Variants in EPS8 observed in about 807,000 individuals in gnomAD.
EPS8 encodes the protein EGFR pathway substrate 8, signaling adaptor, also known as epidermal growth factor receptor kinase substrate 8.
In EPS8, 42 loss-of-function variants were observed where a neutral mutation model predicts 103.8. That is an observed-to-expected ratio of 0.40 (90% CI 0.32 to 0.52). EPS8 has a LOEUF of 0.52. EPS8 is among the 20% of genes least tolerant of loss of function. The pLI is 0.40. For synonymous variants in EPS8, 344 were observed against 344.6 expected (o/e 1.00, Z 0.02); for missense variants, 969 against 1,005.1 (o/e 0.96, Z 0.49).
rs1214436608 is a variant in EPS8, at chr12:15,690,946, G to T, written c.-21-7974C>A. On this transcript the variant is annotated intron_variant, in intron 1 of 20. Coordinates refer to ENST00000281172, the MANE Select transcript of EPS8 (RefSeq NM_004447.6). The surrounding 1 kb of genome is among the most constrained non-coding windows in gnomAD (Gnocchi z 4.7). ...AGAAGAGTCAAGACCAAACAAAAAA[G>T]TCAGTTCCACTAACTGTCTACACTT... 1.3e-5 allele frequency among the ~76,000 whole-genome samples: 2 copies of T among 151,272 alleles called. No homozygotes were observed. Among genetic ancestry groups the T allele is most frequent in the Admixed American group, 6.6e-5 (1 of 15,122 alleles).
At chr12:15,652,713 A>G (rs563884474) in intron 13 of EPS8, among the ~76,000 whole-genome samples, 7 of 152,326 alleles carry the variant, frequency 4.6e-5, no homozygotes, top group African/African-American at 1.7e-4. Context: ...AATATTTTCA[A>G]TTTAAAAGCA....
intron 1 of EPS8, among the ~76,000 whole-genome samples, chr12:15,711,025 A>G (rs1312294274): frequency 6.7e-6 from 1 of 150,002 alleles, no homozygotes; most frequent in South Asian, 2.1e-4. Context: ...ATGCACCACC[A>G]TGCCAGGCTT....
At position 15,779,915 on chromosome 12, in the gene EPS8, G is replaced by A. The variant is rs1947243030; in HGVS notation, c.-22+9246C>T. On this transcript the variant is annotated intron_variant, in intron 1 of 20. Transcript: ENST00000281172. This position sits in a 1 kb window ranked among gnomAD's most constrained non-coding sequence, Gnocchi z 4.3. ...TTTTAGACAGGCTTAAACAGGACTA[G>A]ATCTGGCTTCATAGATTATTACATT... 6.6e-6 allele frequency among the ~76,000 whole-genome samples: 1 copy of A among 152,190 alleles called. No homozygotes were observed. The highest frequency in any genetic ancestry group is 2.1e-4 in the South Asian group (1 of 4,830).
chr12:15,649,605 A>G (rs1945377855), intron 14 of EPS8, among the ~76,000 whole-genome samples: 1 of 152,154 alleles, frequency 6.6e-6, no homozygotes, highest in Non-Finnish European at 1.5e-5. Flanking sequence ...CTCTTCCCTT[A>G]TAATACAGCC....
intron 1 of EPS8, 64 bp from the exon 2 acceptor site, chr12:15,683,036 G>T: frequency 1.3e-6 from 1 of 794,656 alleles, no homozygotes; most frequent in Non-Finnish European, 2.0e-6. Flanking sequence ...AGTTTCAAAA[G>T]TTATTCATTC....
Position 15,747,340 on chromosome 12 carries a change from C to T in EPS8, c.-22+41821G>A, listed in dbSNP as rs1946885394. 6.6e-6 allele frequency among the ~76,000 whole-genome samples: 1 copy of T among 152,062 alleles called. No homozygotes were observed. The highest frequency in any genetic ancestry group is 1.5e-5 in the Non-Finnish European group (1 of 68,024). Reference sequence around the variant, plus strand: ...AAGCTGAAGTGGATACTATATATAGCTAATATGGTTATCAGAAAGTGCTTA... The same window carrying T: ...AAGCTGAAGTGGATACTATATATAGTTAATATGGTTATCAGAAAGTGCTTA... On this transcript the variant is annotated intron_variant, in intron 1 of 20. Transcript: ENST00000281172. This position sits in a 1 kb window ranked among gnomAD's most constrained non-coding sequence, Gnocchi z 4.4.
chr12:15,625,534 C>T (rs1240953310), intron 18 of EPS8, among the ~76,000 whole-genome samples: 2 of 152,092 alleles, frequency 1.3e-5, no homozygotes, highest in Non-Finnish European at 1.5e-5. Flanking sequence ...TTAATGTCGC[C>T]GAAATTCAAT....
At chr12:15,664,036 T>C (rs1488237956) in intron 8 of EPS8, among the ~76,000 whole-genome samples, 3 of 146,390 alleles carry the variant, frequency 2.0e-5, no homozygotes, top group Non-Finnish European at 3.0e-5. Flanking sequence ...TTATATATAT[T>C]AGGTTCAACA....
intron 3 of EPS8, 86 bp downstream of exon 3, chr12:15,681,140 T>C (rs1945997949): frequency 1.9e-6 from 1 of 537,886 alleles, no homozygotes; most frequent in Admixed American, 2.9e-5. Flanking sequence ...ATATTAAATG[T>C]GTGGGTTCAA....
Position 15,780,608 on chromosome 12 carries a change from C to T in EPS8, c.-22+8553G>A, listed in dbSNP as rs1947251651. The T allele has an allele frequency of 6.6e-6, 1 of 151,332 alleles. No individual in the cohort carries two copies. Among genetic ancestry groups the T allele is most frequent in the Non-Finnish European group, 1.5e-5 (1 of 68,066 alleles). The allele number at this position is 151,332 out of a possible 1,614,324, so 9.4% of individuals were successfully genotyped here. A position where few individuals can be genotyped will look rare whatever the true frequency, so the allele number is the denominator to read the frequency against. On this transcript the variant is annotated intron_variant, in intron 1 of 20. Transcript: ENST00000281172. The surrounding 1 kb of genome is among the most constrained non-coding windows in gnomAD (Gnocchi z 4.1). ...CATTTCCACCTCTTTGATAAGAAAACCAAGGCAGATAAGGTCTGATTCCAA... is the reference window on the plus strand; with the variant it reads ...CATTTCCACCTCTTTGATAAGAAAATCAAGGCAGATAAGGTCTGATTCCAA...
At chr12:15,712,234 T>C (rs929218268) in intron 1 of EPS8, among the ~76,000 whole-genome samples, 2 of 151,986 alleles carry the variant, frequency 1.3e-5, no homozygotes, top group Non-Finnish European at 2.9e-5. Context: ...TTAATATACA[T>C]GGGCTTTAAA....
At chr12:15,665,966 T>C in intron 7 of EPS8, 74 bp from the exon 8 acceptor site, 5 of 1,438,820 alleles carry the variant, frequency 3.5e-6, no homozygotes, top group African/African-American at 1.4e-5. Flanking sequence ...CAACTTGTGG[T>C]ACTAGTTATT....
chr12:15,756,214 T>G (rs567489647), intron 1 of EPS8, among the ~76,000 whole-genome samples: 1 of 152,114 alleles, frequency 6.6e-6, no homozygotes, highest in Non-Finnish European at 1.5e-5. Flanking sequence ...TACAAAGAAA[T>G]TAAGTATCAT....
chr12:15,747,407 C>G lies in EPS8; in HGVS notation c.-22+41754G>C, dbSNP rs1946886037. ...AAACTTACTCCATTTCCTAGAAACCCAATCTGTTTTTCAAACCAAAATGCA... is the reference window on the plus strand; with the variant it reads ...AAACTTACTCCATTTCCTAGAAACCGAATCTGTTTTTCAAACCAAAATGCA... On this transcript the variant is annotated intron_variant, in intron 1 of 20. Coordinates refer to ENST00000281172, the MANE Select transcript of EPS8 (RefSeq NM_004447.6). This position sits in a 1 kb window ranked among gnomAD's most constrained non-coding sequence, Gnocchi z 4.4. Among the ~76,000 whole-genome samples, 2 of 152,102 alleles carry G rather than the reference C, an allele frequency of 1.3e-5. No homozygotes were observed.
At position 15,640,774 on chromosome 12, in the gene EPS8, T is replaced by C. The variant is rs774489875; in HGVS notation, c.1750A>G (p.Ile584Val). The change falls in exon 17 of 21, where the codon ATT becomes GTT. Residue 584 changes from isoleucine (I) to valine (V), a missense_variant. Transcript: ENST00000281172. ...TCTGGAGGTCTCACAATATCCAAAA[T>C]GTTATTTGGCACAAATCCAGAGTCT... is the stretch of plus-strand genomic sequence containing the variant. ...SGDSGFVPNN[I>V]LDIVRPPESG... 39 of 1,613,760 alleles carry C rather than the reference T, an allele frequency of 2.4e-5. No homozygotes were observed. The highest frequency in any genetic ancestry group is 3.2e-5 in the Non-Finnish European group (38 of 1,179,768).
intron 1 of EPS8, among the ~76,000 whole-genome samples, chr12:15,707,962 AT>A (rs1946410841): frequency 6.6e-6 from 1 of 152,186 alleles, no homozygotes; most frequent in South Asian, 2.1e-4. Context: ...CAGGAAAAAA[AT>A]TCTGATTTAG....
At chr12:15,629,290 A>T (rs1159447685) in intron 18 of EPS8, among the ~76,000 whole-genome samples, 1 of 152,188 alleles carries the variant, frequency 6.6e-6, no homozygotes, top group Non-Finnish European at 1.5e-5. Context: ...CCTAACCCAC[A>T]CACTGCTCCA....
chr12:15,770,119 T>G (rs1947137847), intron 1 of EPS8, among the ~76,000 whole-genome samples: 1 of 151,512 alleles, frequency 6.6e-6, no homozygotes, highest in African/African-American at 2.4e-5. Context: ...CTGTATTTTT[T>G]GTAGAGATAG....
At position 15,658,643 on chromosome 12, in the gene EPS8, G is replaced by A. The variant is rs1437353801; in HGVS notation, c.938-58C>T. On this transcript the variant is annotated intron_variant, in intron 10 of 20. Coordinates refer to ENST00000281172, the MANE Select transcript of EPS8 (RefSeq NM_004447.6). ...CAAAATCCAAGGAAATTTATTAAAT[G>A]GAAAAACAAAAACCACATTTATGTC... 8 of 1,192,758 alleles carry A rather than the reference G, an allele frequency of 6.7e-6. No homozygotes were observed. In the South Asian group the frequency reaches 7.6e-5, roughly 11 times the overall value. 73.9% of individuals were successfully genotyped at this position (1,192,758 alleles called of 1,614,324 possible). A position where few individuals can be genotyped will look rare whatever the true frequency, so the allele number is the denominator to read the frequency against.
Sources: allele counts gnomAD v4.1 joint callset (sites outside exome capture counted in the v4.1 genomes callset), GRCh38; gene constraint gnomAD v4.1.1; non-coding constraint Gnocchi (gnomAD v3.1); transcripts MANE v1.5; gene names NCBI Gene and HGNC (gene_info 2026-07-23, HGNC 2026-07-21).